Variants in BMPR2 observed in about 807,000 individuals in gnomAD.
BMPR2 encodes bone morphogenetic protein receptor type 2.
BMPR2 carries 29 observed loss-of-function variants against 100.8 expected under a neutral mutation model. That is an observed-to-expected ratio of 0.29 (90% CI 0.21 to 0.39). The LOEUF is 0.39. BMPR2 is among the 10% of genes least tolerant of loss of function. The pLI is 1.00. For synonymous variants in BMPR2, 382 were observed against 442.3 expected, an observed-to-expected ratio of 0.86 and a Z score of 1.71; for missense variants, 1,011 against 1,274.5, an observed-to-expected ratio of 0.79 and a Z score of 3.15.
At chr2:202,388,767 G>A (rs1468578390) in intron 1 of BMPR2, among the ~76,000 whole-genome samples, 2 of 145,962 alleles carry the variant, frequency 1.4e-5, no homozygotes, top group Admixed American at 7.0e-5. Context: ...CAGCCTGGGC[G>A]ACACAGTGAG....
At chr2:202,381,611 T>C (rs547133858) in intron 1 of BMPR2, among the ~76,000 whole-genome samples, 1 of 152,346 alleles carries the variant, frequency 6.6e-6, no homozygotes, top group South Asian at 2.1e-4. Context: ...TTTGGATATA[T>C]AGTACTATTG....
At chr2:202,467,723 C>G (rs145774643) in intron 3 of BMPR2, 34 bp downstream of exon 3, 1 of 1,578,378 alleles carries the variant, frequency 6.3e-7, no homozygotes, top group Non-Finnish European at 8.7e-7. Context: ...TTTGTATTTC[C>G]TTTCTCCAAA....
intron 1 of BMPR2, among the ~76,000 whole-genome samples, chr2:202,402,473 C>T (rs968641449): frequency 3.1e-4 from 47 of 152,076 alleles, no homozygotes; most frequent in African/African-American, 1.1e-3. Context: ...GCTGAGATCA[C>T]ACCACTGTAC....
intron 10 of BMPR2, among the ~76,000 whole-genome samples, chr2:202,547,081 T>G (rs923538418): frequency 6.6e-6 from 1 of 152,142 alleles, no homozygotes; most frequent in African/African-American, 2.4e-5. Flanking sequence ...ACACACAGTT[T>G]AAGGCTTTTG....
intron 3 of BMPR2, among the ~76,000 whole-genome samples, chr2:202,485,543 A>ATTTTTTTTTTTTTTTTTT (rs1574472655): frequency 1.1e-3 from 15 of 14,044 alleles, no homozygotes; most frequent in Non-Finnish European, 2.1e-3. Context: ...CTTTGCCTTT[A>ATTTTTTTTTTTTTTTTTT]TCTTTTTTTT....
At chr2:202,440,408 G>A (rs982792200) in intron 1 of BMPR2, among the ~76,000 whole-genome samples, 1 of 149,538 alleles carries the variant, frequency 6.7e-6, no homozygotes, top group African/African-American at 2.6e-5. Flanking sequence ...CTCAGACGAT[G>A]GGCAGCCGGG....
At chr2:202,492,004 A>G (rs1031395140) in intron 3 of BMPR2, among the ~76,000 whole-genome samples, 2 of 152,182 alleles carry the variant, frequency 1.3e-5, no homozygotes, top group African/African-American at 4.8e-5. Context: ...GCTACATACA[A>G]ACACCATGGT....
At position 202,563,940 on chromosome 2, in the gene BMPR2, T is replaced by C. The variant is rs1397242405; in HGVS notation, c.*3994T>C. The C allele has an allele frequency of 2.0e-5, 3 of 152,254 alleles. No individual in the cohort carries two copies. The highest frequency in any genetic ancestry group is 2.0e-4 in the Admixed American group (3 of 15,282). 9.4% of individuals were successfully genotyped at this position (152,254 alleles called of 1,614,324 possible). A position where few individuals can be genotyped will look rare whatever the true frequency, so the allele number is the denominator to read the frequency against. ...GTATAGCTTCTTTACATGTATCCACTTGTTCCAGAAAATGTGCATTGGTTC... is the reference window on the plus strand; with the variant it reads ...GTATAGCTTCTTTACATGTATCCACCTGTTCCAGAAAATGTGCATTGGTTC... On this transcript the variant is annotated 3_prime_UTR_variant, in exon 13 of 13. Transcript: ENST00000374580.
intron 1 of BMPR2, among the ~76,000 whole-genome samples, chr2:202,382,273 C>T (rs191514734): frequency 2.6e-5 from 4 of 151,890 alleles, no homozygotes; most frequent in Non-Finnish European, 5.9e-5. Flanking sequence ...CTAGCCAGGC[C>T]GGTCTCGAAC....
chr2:202,419,601 C>T (rs951592665), intron 1 of BMPR2, among the ~76,000 whole-genome samples: 13 of 152,028 alleles, frequency 8.6e-5, no homozygotes, highest in African/African-American at 2.7e-4. Context: ...GTAATCCACC[C>T]GTCTCGGCCT....
intron 1 of BMPR2, among the ~76,000 whole-genome samples, chr2:202,445,535 G>GT (rs1014627553): frequency 1.3e-5 from 2 of 149,752 alleles, no homozygotes; most frequent in Admixed American, 6.6e-5. Flanking sequence ...CCTATTTTTA[G>GT]TTTTTTGAGG....
intron 1 of BMPR2, among the ~76,000 whole-genome samples, chr2:202,429,538 A>G (rs995227761): frequency 1.2e-4 from 18 of 152,154 alleles, no homozygotes; most frequent in Non-Finnish European, 1.9e-4. Context: ...TATTTCTGTG[A>G]TGCTGATATT....
At chr2:202,555,217 C>T (rs1378269160) in intron 11 of BMPR2, 35 bp from the exon 12 acceptor site, 39 of 1,562,988 alleles carry the variant, frequency 2.5e-5, no homozygotes, top group Non-Finnish European at 3.3e-5. Flanking sequence ...CATAAATGTA[C>T]GTTCTCAATG....
intron 9 of BMPR2, among the ~76,000 whole-genome samples, chr2:202,534,466 C>G (rs575224092): frequency 6.6e-6 from 1 of 151,748 alleles, no homozygotes; most frequent in Non-Finnish European, 1.5e-5. Flanking sequence ...TGACTCTTAA[C>G]GAGCATGCTG....
At chr2:202,448,908 T>C in intron 1 of BMPR2, among the ~76,000 whole-genome samples, 1 of 150,060 alleles carries the variant, frequency 6.7e-6, no homozygotes, top group Non-Finnish European at 1.5e-5. Flanking sequence ...TTGGATTATT[T>C]TGTCAGTTTA....
At chr2:202,423,755 A>G (rs1296278778) in intron 1 of BMPR2, among the ~76,000 whole-genome samples, 1 of 151,786 alleles carries the variant, frequency 6.6e-6, no homozygotes, top group Admixed American at 6.6e-5. Flanking sequence ...CCTCCTCTCT[A>G]AAAGAGAAAT....
chr2:202,489,791 GAA>G (rs1692860503), intron 3 of BMPR2, among the ~76,000 whole-genome samples: 1 of 152,176 alleles, frequency 6.6e-6, no homozygotes, highest in South Asian at 2.1e-4. Flanking sequence ...TTAGAAAATT[GAA>G]AGTTTTATAT....
chr2:202,471,805 A>G (rs1692443932), intron 3 of BMPR2, among the ~76,000 whole-genome samples: 1 of 152,206 alleles, frequency 6.6e-6, no homozygotes, highest in Non-Finnish European at 1.5e-5. Flanking sequence ...GCTGAAGCTG[A>G]TAATACTGTG....
chr2:202,411,265 G>C (rs1376007517), intron 1 of BMPR2, among the ~76,000 whole-genome samples: 11 of 152,160 alleles, frequency 7.2e-5, no homozygotes, highest in Non-Finnish European at 2.9e-5. Context: ...CAAAAATTTT[G>C]ACAAACCAAG....
Sources: allele counts gnomAD v4.1 joint callset (sites outside exome capture counted in the v4.1 genomes callset), GRCh38; gene constraint gnomAD v4.1.1; transcripts MANE v1.5; gene names NCBI Gene and HGNC (gene_info 2026-07-23, HGNC 2026-07-21).